The following ADCY8 variants were observed in gnomAD, a reference collection of about 807,000 sequenced individuals.
The protein encoded by ADCY8 is adenylate cyclase type 8.
In ADCY8, 51 loss-of-function variants were observed where a neutral mutation model predicts 119.7. That is an observed-to-expected ratio of 0.43 (90% CI 0.34 to 0.54). The LOEUF is 0.54. Among genes scored for constraint, ADCY8 ranks in the 20% least tolerant of loss-of-function variants. The probability of loss-of-function intolerance (pLI) is 0.03; values close to 1 mark genes in which losing one functional copy is unlikely to be tolerated. For missense variants in ADCY8, 1,383 were observed against 1,598.8 expected (o/e 0.87, Z 2.30); for synonymous variants, 665 against 651.0 (o/e 1.02, Z -0.33).
At chr8:130,853,953 TAG>T (rs1817623997) in intron 9 of ADCY8, among the ~76,000 whole-genome samples, 2 of 152,284 alleles carry the variant, frequency 1.3e-5, no homozygotes, top group East Asian at 3.9e-4. Flanking sequence ...AGTCATAAAG[TAG>T]TATAATAAAA....
intron 1 of ADCY8, among the ~76,000 whole-genome samples, chr8:131,003,206 T>TCTCACACATA (rs372048150): frequency 7.3e-6 from 1 of 137,488 alleles, no homozygotes; most frequent in African/African-American, 2.8e-5. Context: ...TGAAACACCA[T>TCTCACACATA]CACACACACA....
intron 1 of ADCY8, among the ~76,000 whole-genome samples, chr8:130,991,361 C>T (rs1822573125): frequency 6.6e-6 from 1 of 152,170 alleles, no homozygotes; most frequent in Non-Finnish European, 1.5e-5. Context: ...AACAGAGTTC[C>T]AGACCACTGT....
At chr8:130,935,750 C>T (rs895408179) in intron 5 of ADCY8, among the ~76,000 whole-genome samples, 13 of 152,198 alleles carry the variant, frequency 8.5e-5, no homozygotes, top group Admixed American at 7.9e-4. Flanking sequence ...GGTTTTTCCT[C>T]ATGGTAGCTT....
At chr8:130,812,473 GC>G (rs1023368400) in intron 14 of ADCY8, among the ~76,000 whole-genome samples, 7 of 152,220 alleles carry the variant, frequency 4.6e-5, no homozygotes, top group Admixed American at 3.9e-4. Flanking sequence ...ATTAGGGTGA[GC>G]CCTAAATCTA....
At chr8:130,878,186 C>T (rs1024285772) in intron 8 of ADCY8, among the ~76,000 whole-genome samples, 1 of 152,154 alleles carries the variant, frequency 6.6e-6, no homozygotes, top group Non-Finnish European at 1.5e-5. Context: ...AGTCAGAATC[C>T]AGTCTATGTT....
intron 1 of ADCY8, among the ~76,000 whole-genome samples, chr8:131,006,781 C>T (rs1243847201): frequency 6.6e-6 from 1 of 152,070 alleles, no homozygotes; most frequent in Admixed American, 6.5e-5. Context: ...TGAGAAATGT[C>T]AGAACTGAGG....
rs1056403387 is a variant in ADCY8, at chr8:131,020,001, T to C, written c.960+19373A>G. 3.3e-5 allele frequency among the ~76,000 whole-genome samples: 5 copies of C among 152,006 alleles called. No individual in the cohort carries two copies. The South Asian group carries it at 6.2e-4, about 19-fold the overall frequency. Reference sequence around the variant, plus strand: ...TTGAGCTGAGAATGAGGGAAGAACATCTTGGGCAAAGGAAGAACAGAAACT... The same window carrying C: ...TTGAGCTGAGAATGAGGGAAGAACACCTTGGGCAAAGGAAGAACAGAAACT... On this transcript the variant is annotated intron_variant, in intron 1 of 17. Coordinates refer to ENST00000286355, the MANE Select transcript of ADCY8 (RefSeq NM_001115.3).
intron 1 of ADCY8, among the ~76,000 whole-genome samples, chr8:131,035,272 T>C (rs1186019174): frequency 6.6e-6 from 1 of 152,124 alleles, no homozygotes; most frequent in African/African-American, 2.4e-5. Flanking sequence ...CTGAGCTAAG[T>C]CAGAGTGAAA....
At chr8:130,966,471 G>A (rs1821765133) in intron 2 of ADCY8, among the ~76,000 whole-genome samples, 3 of 152,148 alleles carry the variant, frequency 2.0e-5, no homozygotes, top group Non-Finnish European at 4.4e-5. Flanking sequence ...AAAAATGAAG[G>A]GCAGGGCAGG....
In ADCY8 at chr8:130,780,858, C is replaced by A; in HGVS notation, c.3288G>T (p.Val1096=). The change falls in exon 18 of 18, where the codon GTG becomes GTT. Residue 1096 remains valine, a synonymous_variant. Transcript: ENST00000286355. ...ELRIGISHGS[V]VAGVIGAKKP... is the part of the protein sequence containing the mutation. Reference sequence around the variant, plus strand: ...TCTTAGCGCCGATAACGCCAGCTACCACTGAGCCGTGGCTGATGCCTGGGG... The same window carrying A: ...TCTTAGCGCCGATAACGCCAGCTACAACTGAGCCGTGGCTGATGCCTGGGG... 1 of 1,613,784 alleles carries A rather than the reference C, an allele frequency of 6.2e-7. No homozygotes were observed. The highest frequency in any genetic ancestry group is 2.2e-5 in the East Asian group (1 of 44,866).
chr8:130,797,564 C>A (rs1815623679), intron 15 of ADCY8, among the ~76,000 whole-genome samples: 1 of 152,198 alleles, frequency 6.6e-6, no homozygotes, highest in Non-Finnish European at 1.5e-5. Context: ...GTGCTAGACA[C>A]AGAGCTGGGC....
intron 9 of ADCY8, among the ~76,000 whole-genome samples, chr8:130,858,101 T>G (rs1057405839): frequency 1.1e-4 from 16 of 152,342 alleles, no homozygotes; most frequent in Admixed American, 8.5e-4. Context: ...CTTGCTTTCT[T>G]GTAGGACAAG....
chr8:130,846,122 C>A (rs186709433), intron 11 of ADCY8, among the ~76,000 whole-genome samples: 35 of 152,228 alleles, frequency 2.3e-4, no homozygotes, highest in Non-Finnish European at 2.9e-5. Flanking sequence ...CTAGAAGAGA[C>A]TACAGGGAGC....
chr8:130,905,233 C>G (rs1053009578), intron 6 of ADCY8, among the ~76,000 whole-genome samples: 4 of 152,158 alleles, frequency 2.6e-5, no homozygotes, highest in Non-Finnish European at 4.4e-5. Flanking sequence ...GTTGTGTATT[C>G]CATGCCTTCT....
intron 2 of ADCY8, among the ~76,000 whole-genome samples, chr8:130,987,600 C>T (rs1006651531): frequency 6.6e-6 from 1 of 152,066 alleles, no homozygotes; most frequent in African/African-American, 2.4e-5. Context: ...CAAAATATTA[C>T]TATCAATCTT....
chr8:131,032,693 T>C (rs913819), intron 1 of ADCY8, among the ~76,000 whole-genome samples: 63,413 of 152,020 alleles, frequency 0.42, 13,750 homozygotes, highest in East Asian at 0.64. Flanking sequence ...AGGGAGAAAA[T>C]CTGGCTTCCG....
chr8:130,850,289 T>C (rs1817478702), intron 9 of ADCY8, among the ~76,000 whole-genome samples: 1 of 152,202 alleles, frequency 6.6e-6, no homozygotes, highest in South Asian at 2.1e-4. Flanking sequence ...CATAAGTTAT[T>C]TGAGACATGG....
rs377485203 is a variant in ADCY8 at position 130,799,803 on chromosome 8, G to A, written c.3060+623C>T. Reference sequence around the variant, plus strand: ...GCTTATTCCGTAGCATTTTCTCAGTGAATCACTTGCTTCCCAGCTCAGGCT... The same window carrying A: ...GCTTATTCCGTAGCATTTTCTCAGTAAATCACTTGCTTCCCAGCTCAGGCT... On this transcript the variant is annotated intron_variant, in intron 15 of 17. Coordinates refer to ENST00000286355, the MANE Select transcript of ADCY8 (RefSeq NM_001115.3). Among the ~76,000 whole-genome samples, 17 of 152,340 alleles carry A rather than the reference G, an allele frequency of 1.1e-4. 1 individual carries two copies. The highest frequency in any genetic ancestry group is 3.8e-4 in the East Asian group (2 of 5,196).
intron 7 of ADCY8, among the ~76,000 whole-genome samples, chr8:130,899,535 G>A (rs1031227930): frequency 3.3e-5 from 5 of 152,050 alleles, no homozygotes; most frequent in African/African-American, 1.2e-4. Flanking sequence ...GAACCCGGGA[G>A]GCGGAGGTTG....
Sources: allele counts gnomAD v4.1 joint callset (sites outside exome capture counted in the v4.1 genomes callset), GRCh38; gene constraint gnomAD v4.1.1; transcripts MANE v1.5; gene names NCBI Gene and HGNC (gene_info 2026-07-23, HGNC 2026-07-21).